AGR2: variants seen among roughly 807,000 people sequenced by gnomAD.
AGR2 encodes anterior gradient protein 2 homolog.
AGR2 carries 27 observed loss-of-function variants against 25.9 expected under a neutral mutation model. That is an observed-to-expected ratio of 1.04 (90% CI 0.77 to 1.44). AGR2 has a LOEUF of 1.44. AGR2 is among the 40% of genes most tolerant of loss of function. AGR2 has a pLI of 0.00. For missense variants in AGR2, 182 were observed against 200.9 expected, an observed-to-expected ratio of 0.91 and a Z score of 0.57; for synonymous variants, 78 against 72.0, an observed-to-expected ratio of 1.08 and a Z score of -0.42.
intron 6 of AGR2, among the ~76,000 whole-genome samples, chr7:16,795,314 T>C (rs892077384): frequency 1.4e-5 from 2 of 139,720 alleles, no homozygotes; most frequent in African/African-American, 2.9e-5. Flanking sequence ...AGGGGTGACA[T>C]GGTGTTTTTT....
At chr7:16,800,290 C>T (rs1415336454) in intron 4 of AGR2, among the ~76,000 whole-genome samples, 3 of 152,114 alleles carry the variant, frequency 2.0e-5, no homozygotes, top group South Asian at 4.1e-4. Context: ...GAGGAGCTAA[C>T]GTTGAAGTGA....
At chr7:16,797,833 A>G (rs940355671) in intron 5 of AGR2, 139 bp from the exon 6 acceptor site, 2 of 627,424 alleles carry the variant, frequency 3.2e-6, no homozygotes, top group African/African-American at 1.8e-5. Context: ...TATTGTACAG[A>G]TGAGGAGACA....
chr7:16,798,967 A>C (rs1785094562), intron 5 of AGR2, among the ~76,000 whole-genome samples: 2 of 152,202 alleles, frequency 1.3e-5, no homozygotes, highest in African/African-American at 4.8e-5. Context: ...TTTGGGTAAG[A>C]TGTAGGAATT....
At chr7:16,795,832 G>A (rs546502799) in intron 6 of AGR2, among the ~76,000 whole-genome samples, 14 of 152,316 alleles carry the variant, frequency 9.2e-5, no homozygotes, top group Non-Finnish European at 1.8e-4. Flanking sequence ...TGCAAAGTCT[G>A]TCGCTGGTAC....
At position 16,798,389 on chromosome 7, in the gene AGR2, G is replaced by A. The variant is rs148463663; in HGVS notation, c.331-695C>T. Among the ~76,000 whole-genome samples the A allele has an allele frequency of 6.1e-4, 93 of 152,274 alleles. No individual in the cohort carries two copies. The East Asian group carries it at 8.9e-3, about 15-fold the overall frequency. The stretch of plus-strand genomic sequence containing the variant: ...GGACAGGTGGAGCATTTTCTCCTAT[G>A]GCCAAGTGCTGGGGAAGGACTGAGT... On this transcript the variant is annotated intron_variant, in intron 5 of 7. Transcript: ENST00000419304.
In AGR2 at chr7:16,799,728, TGAA is replaced by T; in HGVS notation, c.330+13_330+15del. The stretch of plus-strand genomic sequence containing the variant: ...AGCCATAGAGAAATGTTAGTAATGA[TGAA>T]AAGGAAACTTACAACCAGATTGAGG... On this transcript the variant is annotated intron_variant, in intron 5 of 7. Coordinates refer to ENST00000419304, the MANE Select transcript of AGR2 (RefSeq NM_006408.4). 2 of 1,595,220 alleles carry T rather than the reference TGAA, an allele frequency of 1.3e-6. No individual in the cohort carries two copies. Among genetic ancestry groups the T allele is most frequent in the South Asian group, 2.2e-5 (2 of 89,700 alleles).
intron 7 of AGR2, 48 bp from the exon 8 acceptor site, chr7:16,793,005 A>G (rs746956940): frequency 9.1e-6 from 14 of 1,544,564 alleles, no homozygotes; most frequent in Non-Finnish European, 1.1e-5. Flanking sequence ...CGTGCGTTAT[A>G]TCGATATAAT....
Position 16,797,665 on chromosome 7 carries a change from A to G in AGR2, c.360T>C (p.Pro120=). ...VYETTDKHLS[P]DGQYVPRIMF... is the part of the protein sequence containing the mutation. ...TAATCCTGGGGACATACTGGCCATC[A>G]GGAGAAAGGTGTTTGTCAGTTGTTT... is the stretch of plus-strand genomic sequence containing the variant. Residue 120 remains proline (P), a synonymous_variant, in exon 6 of 8, where the codon CCT becomes CCC. Transcript: ENST00000419304. The G allele has an allele frequency of 1.2e-6, 2 of 1,613,994 alleles. No homozygotes were observed. Among genetic ancestry groups the G allele is most frequent in the Non-Finnish European group, 1.7e-6 (2 of 1,179,934 alleles).
Position 16,795,055 on chromosome 7 carries a change from G to A in AGR2, c.395-36C>T, listed in dbSNP as rs376092147. 46 of 1,609,984 alleles carry A rather than the reference G, an allele frequency of 2.9e-5. 1 individual carries two copies. The highest frequency in any genetic ancestry group is 5.1e-6 in the Non-Finnish European group (6 of 1,176,506). ...AAATGAAGCAAAAGGGAATGGAATGGTTTGTTTTCAAACAACCTGTATTTA... is the reference window on the plus strand; with the variant it reads ...AAATGAAGCAAAAGGGAATGGAATGATTTGTTTTCAAACAACCTGTATTTA... On this transcript the variant is annotated intron_variant, in intron 6 of 7. Coordinates refer to ENST00000419304, the MANE Select transcript of AGR2 (RefSeq NM_006408.4).
At chr7:16,801,905 C>T (rs2115360552) in intron 1 of AGR2, 102 bp from the exon 2 acceptor site, 1 of 976,770 alleles carries the variant, frequency 1.0e-6, no homozygotes. Context: ...GAAACTGAGG[C>T]TCTGCTGAGA....
In AGR2 at chr7:16,797,683, A is replaced by G; in HGVS notation, c.342T>C (p.Thr114=). Residue 114 remains threonine (T), a synonymous_variant, in exon 6 of 8, where the codon ACT becomes ACC. Transcript: ENST00000419304. ...GGCCATCAGGAGAAAGGTGTTTGTC[A>G]GTTGTTTCATACTAAAATAAAAAGA... ...FVLLNLVYET[T]DKHLSPDGQY... The G allele has an allele frequency of 6.2e-7, 1 of 1,613,614 alleles. No individual in the cohort carries two copies. Among genetic ancestry groups the G allele is most frequent in the Non-Finnish European group, 8.5e-7 (1 of 1,179,778 alleles).
intron 6 of AGR2, among the ~76,000 whole-genome samples, chr7:16,796,733 A>G (rs1406557882): frequency 2.0e-5 from 3 of 152,220 alleles, no homozygotes; most frequent in Non-Finnish European, 4.4e-5. Flanking sequence ...CCCAAACTGC[A>G]AAATTATACC....
intron 5 of AGR2, among the ~76,000 whole-genome samples, chr7:16,798,224 G>C (rs937703789): frequency 4.6e-5 from 7 of 152,208 alleles, no homozygotes; most frequent in African/African-American, 1.7e-4. Flanking sequence ...TGATTGCCTT[G>C]AGCAAGACAT....
chr7:16,804,778 T>C (rs1450955976), intron 1 of AGR2, among the ~76,000 whole-genome samples, 157 bp downstream of exon 1: 1 of 132,704 alleles, frequency 7.5e-6, no homozygotes, highest in African/African-American at 4.3e-5. Flanking sequence ...AGTAAGACTT[T>C]TGTGGAAATT....
chr7:16,797,591 G>A (rs1785068716), intron 6 of AGR2, 40 bp downstream of exon 6: 7 of 1,583,234 alleles, frequency 4.4e-6, no homozygotes, highest in Non-Finnish European at 6.1e-6. Flanking sequence ...GGCAGCACTA[G>A]TATGTGTTTC....
Position 16,796,135 on chromosome 7 carries a change from C to T in AGR2, c.395-1116G>A, listed in dbSNP as rs141652622. ...TGATTTAATTGGTTTGAGGTGTGGC[C>T]TGGGCAACTTGATCTTTAAAATCCT... is the stretch of plus-strand genomic sequence containing the variant. On this transcript the variant is annotated intron_variant, in intron 6 of 7. Coordinates refer to ENST00000419304, the MANE Select transcript of AGR2 (RefSeq NM_006408.4). Among the ~76,000 whole-genome samples the T allele has an allele frequency of 3.1e-3, 472 of 152,228 alleles. 4 individuals are homozygous for T. Among genetic ancestry groups the T allele is most frequent in the South Asian group, 0.019 (91 of 4,826 alleles).
intron 7 of AGR2, among the ~76,000 whole-genome samples, chr7:16,793,808 C>T (rs1299213299): frequency 1.3e-5 from 2 of 152,218 alleles, no homozygotes; most frequent in Non-Finnish European, 2.9e-5. Context: ...GTTTCTTCAA[C>T]AGCAATTCAT....
At chr7:16,803,309 C>T (rs1785180881) in intron 1 of AGR2, 1 of 152,096 alleles carries the variant, frequency 6.6e-6, no homozygotes, top group Non-Finnish European at 1.5e-5. Flanking sequence ...GGGGCCGTAA[C>T]ATGGAAGGCT....
rs79980363 is a variant in AGR2, at chr7:16,800,078, C to T, written c.257-261G>A. Among the ~76,000 whole-genome samples, 303 of 152,224 alleles carry T rather than the reference C, an allele frequency of 2.0e-3. 6 individuals are homozygous for T. The East Asian group carries it at 0.043, about 22-fold the overall frequency. ...TTTATTGAATGGCTGCCATGTGTTA[C>T]GCACTGTGTTCTGTACTAGGGATGG... is the stretch of plus-strand genomic sequence containing the variant. On this transcript the variant is annotated intron_variant, in intron 4 of 7. Transcript: ENST00000419304.
Sources: gnomAD v4.1 joint callset for allele counts (sites outside exome capture counted in the v4.1 genomes callset) on GRCh38, gnomAD v4.1.1 for gene constraint, MANE v1.5 for transcripts, NCBI Gene and HGNC (gene_info 2026-07-23, HGNC 2026-07-21) for gene names.